The following CA5A variants were observed in gnomAD, a reference collection of about 807,000 sequenced individuals.
The protein encoded by CA5A is carbonic anhydrase 5A, also known as carbonic anhydrase 5A, mitochondrial.
A neutral mutation model predicts 37.1 loss-of-function variants in CA5A; 28 were observed. That is an observed-to-expected ratio of 0.75 (90% confidence interval 0.56 to 1.03). CA5A has a LOEUF of 1.03. Ranked by LOEUF, CA5A falls within the 50% of genes least tolerant of loss-of-function variation. The pLI, the probability that CA5A is intolerant of heterozygous loss-of-function variation, is 0.00. For missense variants in CA5A, 444 were observed against 399.9 expected (o/e 1.11, Z -0.94); for synonymous variants, 171 against 158.4 (o/e 1.08, Z -0.60).
intron 2 of CA5A, among the ~76,000 whole-genome samples, chr16:87,907,874 C>T (rs1388261911): frequency 8.5e-5 from 13 of 152,118 alleles, no homozygotes; most frequent in African/African-American, 2.4e-4. Context: ...TGCAGTGAGC[C>T]GAGATAGCGC....
intron 2 of CA5A, among the ~76,000 whole-genome samples, chr16:87,914,429 C>T (rs1347160461): frequency 2.0e-5 from 3 of 152,322 alleles, no homozygotes; most frequent in South Asian, 2.1e-4. Flanking sequence ...AGCCACGCGG[C>T]GGGTGCAGAT....
chr16:87,918,463 C>T (rs527273688), intron 2 of CA5A, among the ~76,000 whole-genome samples: 9 of 151,656 alleles, frequency 5.9e-5, no homozygotes, highest in East Asian at 5.9e-4. Context: ...GAGCCCTTGC[C>T]GCCACCTCTG....
chr16:87,900,225 G>A (rs2055859597), intron 5 of CA5A, among the ~76,000 whole-genome samples: 1 of 152,190 alleles, frequency 6.6e-6, no homozygotes. Context: ...GAGGCTGGCT[G>A]GGAAAACAAC....
At chr16:87,922,559 G>T (rs992491908) in intron 2 of CA5A, among the ~76,000 whole-genome samples, 1 of 152,234 alleles carries the variant, frequency 6.6e-6, no homozygotes, top group Admixed American at 6.5e-5. Flanking sequence ...CCGCCAACAG[G>T]GTTGGGGCGT....
At chr16:87,896,842 G>C (rs892383958) in intron 5 of CA5A, among the ~76,000 whole-genome samples, 1 of 152,196 alleles carries the variant, frequency 6.6e-6, no homozygotes, top group Non-Finnish European at 1.5e-5. Context: ...GTTTCTCTAT[G>C]TTGGTCAGGC....
intron 5 of CA5A, among the ~76,000 whole-genome samples, chr16:87,892,691 G>A (rs1223912567): frequency 1.2e-4 from 12 of 102,954 alleles, no homozygotes; most frequent in Admixed American, 4.4e-4. Flanking sequence ...TTTTTTTTTC[G>A]AGATGGAGTT....
chr16:87,908,989 A>ATT (rs60201296), intron 2 of CA5A, among the ~76,000 whole-genome samples: 2,207 of 139,326 alleles, frequency 0.016, 31 homozygotes, highest in Admixed American at 0.042. Flanking sequence ...ACACCCGGCT[A>ATT]TTTTTTTTTT....
chr16:87,930,651 G>A (rs543604171), intron 1 of CA5A, among the ~76,000 whole-genome samples: 2 of 152,238 alleles, frequency 1.3e-5, no homozygotes, highest in East Asian at 3.9e-4. Context: ...GCGGCGTGGG[G>A]ACAGCACAGG....
At chr16:87,928,305 A>C in intron 1 of CA5A, among the ~76,000 whole-genome samples, 1 of 152,150 alleles carries the variant, frequency 6.6e-6, no homozygotes, top group African/African-American at 2.4e-5. Context: ...CTGGGACTGC[A>C]GGTAAACACC....
At chr16:87,915,342 G>A (rs182993919) in intron 2 of CA5A, among the ~76,000 whole-genome samples, 13 of 152,064 alleles carry the variant, frequency 8.5e-5, no homozygotes, top group East Asian at 3.9e-4. Flanking sequence ...TTGAAAAAGC[G>A]ATGTACCCAC....
At chr16:87,896,783 C>T (rs1263759527) in intron 5 of CA5A, among the ~76,000 whole-genome samples, 5 of 152,174 alleles carry the variant, frequency 3.3e-5, no homozygotes, top group African/African-American at 7.2e-5. Context: ...TGGGATTACA[C>T]GCATGCGCCA....
chr16:87,892,541 A>G (rs1025383657), intron 5 of CA5A, among the ~76,000 whole-genome samples: 3 of 134,368 alleles, frequency 2.2e-5, no homozygotes, highest in African/African-American at 8.8e-5. Context: ...TAATAATAAT[A>G]ATAATAATAA....
chr16:87,904,647 T>G (rs913865291), intron 3 of CA5A, 139 bp downstream of exon 3: 3 of 591,848 alleles, frequency 5.1e-6, no homozygotes, highest in Non-Finnish European at 9.2e-6. Flanking sequence ...GGCCGACGGT[T>G]CTGGTTTGAG....
chr16:87,929,871 CAAAAAAAAAAAA>C (rs58941982), intron 1 of CA5A, among the ~76,000 whole-genome samples: 11 of 62,342 alleles, frequency 1.8e-4, no homozygotes, highest in East Asian at 5.8e-4. Flanking sequence ...GACTCCGTCT[CAAAAAAAAAAAA>C]AAAAAAAAAA....
rs534643367 is a variant in CA5A at position 87,905,968 on chromosome 16, G to A, written c.341-1064C>T. Among the ~76,000 whole-genome samples the A allele has an allele frequency of 9.2e-4, 140 of 152,348 alleles. 1 individual carries two copies. The highest frequency in any genetic ancestry group is 1.6e-3 in the Non-Finnish European group (109 of 68,034). On this transcript the variant is annotated intron_variant, in intron 2 of 6. Transcript: ENST00000649794. ...CCAGAGTCATGGCTGCCATTCCCAC[G>A]TCCAGGTAGTGCTGGGAGTCTGCCT...
chr16:87,933,000 G>A (rs188176585), intron 1 of CA5A, among the ~76,000 whole-genome samples: 67 of 152,334 alleles, frequency 4.4e-4, no homozygotes, highest in African/African-American at 1.6e-3. Flanking sequence ...GCCGTGAGAA[G>A]AACAGGCCTC....
At chr16:87,908,296 C>A (rs1383820392) in intron 2 of CA5A, among the ~76,000 whole-genome samples, 2 of 152,198 alleles carry the variant, frequency 1.3e-5, no homozygotes, top group Non-Finnish European at 2.9e-5. Context: ...AGCCTCTCTA[C>A]CTGTTAAATG....
At chr16:87,917,778 ATG>A (rs2056174022) in intron 2 of CA5A, among the ~76,000 whole-genome samples, 1 of 137,178 alleles carries the variant, frequency 7.3e-6, no homozygotes, top group East Asian at 2.0e-4. Context: ...ATGTGCACAC[ATG>A]CACACATGTA....
At chr16:87,929,755 C>T (rs1204514418) in intron 1 of CA5A, among the ~76,000 whole-genome samples, 1 of 151,156 alleles carries the variant, frequency 6.6e-6, no homozygotes. Flanking sequence ...GCCTGTAGTC[C>T]CAGCTACTCG....
Sources: allele counts gnomAD v4.1 joint callset (sites outside exome capture counted in the v4.1 genomes callset), GRCh38; gene constraint gnomAD v4.1.1; transcripts MANE v1.5; gene names NCBI Gene and HGNC (gene_info 2026-07-23, HGNC 2026-07-21).